Variants in CDHR3 observed in about 807,000 individuals in gnomAD.
The protein encoded by CDHR3 is cadherin-related family member 3.
In CDHR3, 79 loss-of-function variants were observed where a neutral mutation model predicts 86.6. That is an observed-to-expected ratio of 0.91 (90% CI 0.76 to 1.10). CDHR3 has a LOEUF of 1.10. Among genes scored for constraint, CDHR3 ranks in the 50% least tolerant of loss-of-function variants. The pLI is 0.00. For missense variants in CDHR3, 1,081 were observed against 1,077.6 expected (o/e 1.00, Z -0.04); for synonymous variants, 421 against 402.4 (o/e 1.05, Z -0.55).
chr7:105,982,482 A>AG (rs1301599589), intron 3 of CDHR3, among the ~76,000 whole-genome samples: 68 of 128,800 alleles, frequency 5.3e-4, no homozygotes, highest in African/African-American at 1.4e-3. Flanking sequence ...AAAAAAAAAG[A>AG]AAAAAAAAAA....
chr7:105,982,558 T>G (rs569834321), intron 3 of CDHR3, among the ~76,000 whole-genome samples: 1 of 150,988 alleles, frequency 6.6e-6, no homozygotes, highest in Admixed American at 6.6e-5. Flanking sequence ...TCCTTTCCCC[T>G]TCTCCCCCTC....
chr7:106,006,190 C>A (rs1056464975), intron 8 of CDHR3, among the ~76,000 whole-genome samples: 1 of 152,090 alleles, frequency 6.6e-6, no homozygotes. Context: ...GAAAGACTTG[C>A]CCCCATGATT....
At chr7:106,028,915 A>ATTTTCTTTCTTTCT (rs1837796664) in intron 17 of CDHR3, among the ~76,000 whole-genome samples, 1 of 115,306 alleles carries the variant, frequency 8.7e-6, no homozygotes, top group Non-Finnish European at 1.9e-5. Context: ...TGAGATTTAA[A>ATTTTCTTTCTTTCT]TTTTCTTTCT....
rs368029983 is a variant in CDHR3, at chr7:105,995,463, A to T, written c.608+618A>T. Among the ~76,000 whole-genome samples the T allele has an allele frequency of 2.0e-5, 3 of 152,292 alleles. No individual in the cohort carries two copies. In the East Asian group the frequency reaches 5.8e-4, roughly 29 times the overall value. ...CTTGGCCACATCCAGATGGTCATCA[A>T]TGTCTTGCAAGGAAGAGTCTTTGAT... On this transcript the variant is annotated intron_variant, in intron 5 of 18. Coordinates refer to ENST00000317716, the MANE Select transcript of CDHR3 (RefSeq NM_152750.5).
chr7:106,000,791 G>T (rs1168615084), intron 6 of CDHR3, among the ~76,000 whole-genome samples: 4 of 151,828 alleles, frequency 2.6e-5, no homozygotes, highest in African/African-American at 7.3e-5. Context: ...CAGTGATGGG[G>T]CCTGGTCTTC....
At chr7:105,974,434 A>T (rs1828460878) in intron 1 of CDHR3, among the ~76,000 whole-genome samples, 1 of 152,192 alleles carries the variant, frequency 6.6e-6, no homozygotes, top group Non-Finnish European at 1.5e-5. Flanking sequence ...GAGAAGGAAA[A>T]CAAACTCTTG....
chr7:106,028,929 T>TTTCTTTTTCTTTCTTTCC, intron 17 of CDHR3, among the ~76,000 whole-genome samples: 1 of 108,820 alleles, frequency 9.2e-6, no homozygotes, highest in South Asian at 3.3e-4. Context: ...TCTTTCTTTC[T>TTTCTTTTTCTTTCTTTCC]TTCTTTCTTT....
intron 7 of CDHR3, among the ~76,000 whole-genome samples, chr7:106,003,776 A>G (rs2115798693): frequency 6.6e-6 from 1 of 152,286 alleles, no homozygotes; most frequent in South Asian, 2.1e-4. Context: ...CAGGAGAGCC[A>G]GGCAAAGGCA....
At chr7:105,991,401 A>C (rs896766925) in intron 4 of CDHR3, among the ~76,000 whole-genome samples, 15 of 152,180 alleles carry the variant, frequency 9.9e-5, no homozygotes, top group Non-Finnish European at 1.5e-4. Context: ...GAAAAAAAAA[A>C]TCAAGATTCC....
At chr7:105,989,572 CTGTCTT>C (rs1831047426) in intron 4 of CDHR3, among the ~76,000 whole-genome samples, 2 of 152,102 alleles carry the variant, frequency 1.3e-5, no homozygotes, top group South Asian at 4.2e-4. Flanking sequence ...CCTTCTCTTT[CTGTCTT>C]TATCTTGCTC....
intron 7 of CDHR3, among the ~76,000 whole-genome samples, chr7:106,002,220 T>A (rs1358759836): frequency 6.6e-6 from 1 of 152,200 alleles, no homozygotes; most frequent in Admixed American, 6.5e-5. Context: ...CTGAGACCTC[T>A]ATAAAAAAAG....
At chr7:106,006,078 T>C (rs1833905123) in intron 8 of CDHR3, among the ~76,000 whole-genome samples, 1 of 152,178 alleles carries the variant, frequency 6.6e-6, no homozygotes, top group Admixed American at 6.5e-5. Context: ...ACATCTTACA[T>C]GGATGGCAGC....
intron 12 of CDHR3, among the ~76,000 whole-genome samples, chr7:106,018,807 A>G (rs1274266061): frequency 6.6e-6 from 1 of 151,950 alleles, no homozygotes; most frequent in Non-Finnish European, 1.5e-5. Flanking sequence ...GATGGGGTAG[A>G]TCTTAAAACG....
chr7:106,027,620 G>A (rs557528889), intron 16 of CDHR3: 2 of 452,130 alleles, frequency 4.4e-6, no homozygotes, highest in African/African-American at 2.0e-5. Context: ...ACTCCAGAGT[G>A]TGGGGGAGAC....
chr7:106,003,182 C>G (rs899521747), intron 7 of CDHR3, among the ~76,000 whole-genome samples: 1 of 147,926 alleles, frequency 6.8e-6, no homozygotes, highest in African/African-American at 2.5e-5. Context: ...ATATCATTTT[C>G]TTTGGTACCG....
intron 1 of CDHR3, among the ~76,000 whole-genome samples, chr7:105,973,557 C>T (rs1828301094): frequency 6.6e-6 from 1 of 152,172 alleles, no homozygotes; most frequent in South Asian, 2.1e-4. Flanking sequence ...GGCCTTTTCC[C>T]CTCTGTGCGT....
At chr7:106,016,058 T>C (rs778262320) in intron 11 of CDHR3, 33 bp downstream of exon 11, 24 of 1,417,056 alleles carry the variant, frequency 1.7e-5, no homozygotes, top group Non-Finnish European at 2.3e-5. Flanking sequence ...ACCAGAGTGC[T>C]GTCAATGGAC....
intron 1 of CDHR3, among the ~76,000 whole-genome samples, chr7:105,972,220 C>G (rs1167075651): frequency 6.6e-6 from 1 of 152,106 alleles, no homozygotes; most frequent in Admixed American, 6.5e-5. Context: ...GAGGATTGTG[C>G]TGGGATTAAG....
At chr7:105,989,010 G>A (rs1440494014) in intron 4 of CDHR3, among the ~76,000 whole-genome samples, 2 of 152,174 alleles carry the variant, frequency 1.3e-5, no homozygotes, top group Non-Finnish European at 2.9e-5. Flanking sequence ...ACACGTACGT[G>A]AGGGTAGTGG....
Sources: allele counts gnomAD v4.1 joint callset (sites outside exome capture counted in the v4.1 genomes callset), GRCh38; gene constraint gnomAD v4.1.1; transcripts MANE v1.5; gene names NCBI Gene and HGNC (gene_info 2026-07-23, HGNC 2026-07-21).